APLP2: variants seen among roughly 807,000 people sequenced by gnomAD.
APLP2 encodes CDEI box-binding protein.
APLP2 carries 53 observed loss-of-function variants against 89.9 expected under a neutral mutation model. That is an observed-to-expected ratio of 0.59 (90% confidence interval 0.47 to 0.74). APLP2 has a LOEUF of 0.74. APLP2 is among the 30% of genes least tolerant of loss of function. The pLI is 0.00. For synonymous variants in APLP2, 372 were observed against 348.6 expected (o/e 1.07, Z -0.75); for missense variants, 973 against 975.9 (o/e 1.00, Z 0.04).
At chr11:130,135,028 C>G (rs1419957873) in intron 12 of APLP2, among the ~76,000 whole-genome samples, 1 of 151,990 alleles carries the variant, frequency 6.6e-6, no homozygotes, top group Non-Finnish European at 1.5e-5. Context: ...GGTATATGGT[C>G]AGTATTTAAA....
chr11:130,094,041 G>A (rs1322661841), intron 1 of APLP2, among the ~76,000 whole-genome samples: 5 of 147,822 alleles, frequency 3.4e-5, no homozygotes, highest in South Asian at 2.1e-4. Context: ...CACCACTCCC[G>A]GCCGTATTTT....
At chr11:130,098,470 A>G (rs947517560) in intron 1 of APLP2, among the ~76,000 whole-genome samples, 3 of 152,106 alleles carry the variant, frequency 2.0e-5, no homozygotes, top group African/African-American at 7.2e-5. Context: ...AGATACGTTA[A>G]AGGAAAAGAG....
chr11:130,071,755 G>C (rs1565542343), intron 1 of APLP2, among the ~76,000 whole-genome samples: 1 of 152,226 alleles, frequency 6.6e-6, no homozygotes, highest in Admixed American at 6.5e-5. Context: ...CAGTTGAAAA[G>C]TATGGTTGAA....
intron 1 of APLP2, among the ~76,000 whole-genome samples, chr11:130,108,260 C>T (rs1178546997): frequency 1.3e-5 from 2 of 152,180 alleles, no homozygotes; most frequent in Non-Finnish European, 2.9e-5. Flanking sequence ...AAAGAAACTA[C>T]CATCAGAGTG....
chr11:130,142,313 C>A (rs1247745842), intron 16 of APLP2, among the ~76,000 whole-genome samples: 2 of 152,146 alleles, frequency 1.3e-5, no homozygotes, highest in Non-Finnish European at 2.9e-5. Flanking sequence ...GTCATGTGAA[C>A]ATTTTATGCT....
At chr11:130,087,804 C>T (rs1002241085) in intron 1 of APLP2, among the ~76,000 whole-genome samples, 7 of 151,860 alleles carry the variant, frequency 4.6e-5, no homozygotes, top group East Asian at 1.9e-4. Context: ...TGATTATTTG[C>T]GGCTTGATTA....
At chr11:130,092,074 A>C (rs1262481990) in intron 1 of APLP2, among the ~76,000 whole-genome samples, 2 of 113,944 alleles carry the variant, frequency 1.8e-5, no homozygotes, top group South Asian at 3.1e-4. Flanking sequence ...CGCTCCTCAC[A>C]TCCCAGATGG....
chr11:130,080,880 G>A (rs1381897423), intron 1 of APLP2, among the ~76,000 whole-genome samples: 2 of 151,710 alleles, frequency 1.3e-5, no homozygotes, highest in South Asian at 2.1e-4. Context: ...TTAATTTTTA[G>A]TAGAGATGGG....
intron 1 of APLP2, among the ~76,000 whole-genome samples, chr11:130,080,263 G>T (rs564906016): frequency 2.5e-4 from 38 of 152,184 alleles, no homozygotes; most frequent in Admixed American, 3.9e-4. Flanking sequence ...CCAGGCTGGA[G>T]TGCAGTGGTG....
intron 3 of APLP2, among the ~76,000 whole-genome samples, chr11:130,115,304 C>G (rs1949046847): frequency 6.6e-6 from 1 of 151,982 alleles, no homozygotes; most frequent in Admixed American, 6.6e-5. Context: ...GTGTAATAGT[C>G]ATGTCAGGGT....
intron 8 of APLP2, among the ~76,000 whole-genome samples, chr11:130,127,064 CTTTTT>C: frequency 7.9e-6 from 1 of 127,304 alleles, no homozygotes. Context: ...ATTATCTGCC[CTTTTT>C]TTTTTTTTTT....
chr11:130,108,444 C>G (rs1948092358), intron 1 of APLP2, among the ~76,000 whole-genome samples: 1 of 152,198 alleles, frequency 6.6e-6, no homozygotes, highest in African/African-American at 2.4e-5. Context: ...AGCCAACAGA[C>G]ACATGAAGAA....
In APLP2 at chr11:130,126,782, G is replaced by A. The variant is rs1227846604; in HGVS notation, c.1173G>A (p.Gln391=). 6.2e-7 allele frequency: 1 copy of A among 1,614,240 alleles called. No homozygotes were observed. The highest frequency in any genetic ancestry group is 1.7e-5 in the Admixed American group (1 of 60,032). ...SADDNEHARF[Q]KAKEQLEIRH... ...ATGATAATGAGCATGCTCGCTTCCA[G>A]AAGGCTAAGGAGCAGCTGGAGATTC... Residue 391 remains glutamine (Q), a synonymous_variant, in exon 8 of 17, where the codon CAG becomes CAA. Coordinates refer to ENST00000338167, the MANE Select transcript of APLP2 (RefSeq NM_001142276.2).
chr11:130,083,836 G>A (rs932190916), intron 1 of APLP2, among the ~76,000 whole-genome samples: 1 of 152,144 alleles, frequency 6.6e-6, no homozygotes, highest in African/African-American at 2.4e-5. Flanking sequence ...TTCTTTTGCT[G>A]TATACCCAGG....
chr11:130,131,084 G>A (rs1161960578), intron 11 of APLP2, among the ~76,000 whole-genome samples: 1 of 152,160 alleles, frequency 6.6e-6, no homozygotes, highest in East Asian at 1.9e-4. Context: ...AACTGTAAAG[G>A]TGAAGAGCAG....
At chr11:130,118,773 TC>T (rs1949499652) in intron 3 of APLP2, among the ~76,000 whole-genome samples, 1 of 152,218 alleles carries the variant, frequency 6.6e-6, no homozygotes, top group African/African-American at 2.4e-5. Context: ...AGGTACTGCC[TC>T]CCCTAGAGCC....
rs895187275 is a variant in APLP2, at chr11:130,141,405, A to G, written c.1924-93A>G. On this transcript the variant is annotated intron_variant, in intron 14 of 16. Coordinates refer to ENST00000338167, the MANE Select transcript of APLP2 (RefSeq NM_001142276.2). The surrounding 1 kb of genome is among the most constrained non-coding windows in gnomAD (Gnocchi z 4.2). ...GTCCCACAGGTACCTGCTTCCTTCC[A>G]TCAAGCAGCAGGTAGCAGAGGAAGG... The G allele has an allele frequency of 9.5e-7, 1 of 1,051,176 alleles. No individual in the cohort carries two copies. The highest frequency in any genetic ancestry group is 2.4e-5 in the East Asian group (1 of 41,974). The allele number at this position is 1,051,176 out of a possible 1,614,324, so 65.1% of individuals were successfully genotyped here.
At chr11:130,139,444 C>G (rs1952072572) in intron 13 of APLP2, 1 of 152,148 alleles carries the variant, frequency 6.6e-6, no homozygotes, top group Non-Finnish European at 1.5e-5. Context: ...TTATAAAAGG[C>G]TCATATCACA....
At chr11:130,092,144 C>T (rs1467665332) in intron 1 of APLP2, among the ~76,000 whole-genome samples, 2 of 135,036 alleles carry the variant, frequency 1.5e-5, no homozygotes, top group Admixed American at 1.4e-4. Context: ...CAGAGACGCT[C>T]CTCACTTCCT....
Sources: gnomAD v4.1 joint callset for allele counts (sites outside exome capture counted in the v4.1 genomes callset) on GRCh38, gnomAD v4.1.1 for gene constraint, Gnocchi (gnomAD v3.1) non-coding constraint, MANE v1.5 for transcripts, NCBI Gene and HGNC (gene_info 2026-07-23, HGNC 2026-07-21) for gene names.